The following TMTC2 variants were observed in gnomAD, a reference collection of about 807,000 sequenced individuals.
The protein encoded by TMTC2 is protein O-mannosyl-transferase TMTC2.
A neutral mutation model predicts 82.4 loss-of-function variants in TMTC2; 43 were observed. The observed-to-expected ratio is 0.52, with a 90% CI of 0.41 to 0.67. The LOEUF (loss-of-function observed/expected upper bound fraction) is 0.67, where lower values mean the gene tolerates loss of function less well. Ranked by LOEUF, TMTC2 falls within the 30% of genes least tolerant of loss-of-function variation. The probability of loss-of-function intolerance (pLI) is 0.00; values close to 1 mark genes in which losing one functional copy is unlikely to be tolerated. For synonymous variants in TMTC2, 408 were observed against 381.9 expected (o/e 1.07, Z -0.80); for missense variants, 919 against 1,012.4 (o/e 0.91, Z 1.25).
At chr12:83,024,116 T>C (rs935537315) in intron 8 of TMTC2, among the ~76,000 whole-genome samples, 1 of 152,092 alleles carries the variant, frequency 6.6e-6, no homozygotes, top group Non-Finnish European at 1.5e-5. Flanking sequence ...TTTCAGCATG[T>C]AGAAATGATG....
At chr12:82,871,378 T>TTC (rs1311026927) in intron 2 of TMTC2, among the ~76,000 whole-genome samples, 2 of 151,918 alleles carry the variant, frequency 1.3e-5, no homozygotes, top group African/African-American at 4.8e-5. Context: ...TTTTTTTTTT[T>TTC]CACATTACTT....
chr12:82,874,037 T>C (rs1872349952), intron 2 of TMTC2, among the ~76,000 whole-genome samples: 1 of 152,240 alleles, frequency 6.6e-6, no homozygotes, highest in Non-Finnish European at 1.5e-5. Context: ...TTAAGACAGT[T>C]GCTGATTTAC....
At chr12:82,689,053 G>A (rs1328803276) in intron 1 of TMTC2, among the ~76,000 whole-genome samples, 2 of 152,176 alleles carry the variant, frequency 1.3e-5, no homozygotes, top group Admixed American at 6.5e-5. Context: ...TAACTTTTAC[G>A]CAGCATACTG....
chr12:83,125,169 G>A (rs1485674979), intron 11 of TMTC2, among the ~76,000 whole-genome samples: 2 of 152,158 alleles, frequency 1.3e-5, no homozygotes, highest in African/African-American at 4.8e-5. Flanking sequence ...AGATCCCACT[G>A]CCTCTCCCAG....
intron 1 of TMTC2, among the ~76,000 whole-genome samples, chr12:82,854,609 A>G (rs918735366): frequency 2.0e-5 from 3 of 152,182 alleles, no homozygotes; most frequent in African/African-American, 7.2e-5. Flanking sequence ...TTTCTAAATG[A>G]CCACATGCCC....
chr12:82,860,783 A>G (rs148160237), intron 2 of TMTC2, among the ~76,000 whole-genome samples: 1,940 of 152,370 alleles, frequency 0.013, 18 homozygotes, highest in South Asian at 0.021. Context: ...AGCATGTGAA[A>G]TAAGGACTGC....
Position 82,861,111 on chromosome 12 carries a change from CAT to C in TMTC2, c.654+3533_654+3534del, listed in dbSNP as rs137983591. 4.4e-3 allele frequency among the ~76,000 whole-genome samples: 675 copies of C among 152,304 alleles called. 29 individuals are homozygous for C. In the East Asian group the frequency reaches 0.092, roughly 21 times the overall value. On this transcript the variant is annotated intron_variant, in intron 2 of 11. Coordinates refer to ENST00000321196, the MANE Select transcript of TMTC2 (RefSeq NM_152588.3). ...GATAAACTTCCTTGCTCTGTTAAAA[CAT>C]AACTTATATACAAATGGAAAACTGC...
intron 11 of TMTC2, among the ~76,000 whole-genome samples, chr12:83,103,392 T>C (rs1217675396): frequency 6.6e-6 from 1 of 152,180 alleles, no homozygotes; most frequent in African/African-American, 2.4e-5. Context: ...CATAGTTCTA[T>C]AGGCTGTACA....
intron 1 of TMTC2, among the ~76,000 whole-genome samples, chr12:82,702,163 A>G (rs969025706): frequency 1.3e-5 from 2 of 152,254 alleles, no homozygotes; most frequent in African/African-American, 4.8e-5. Context: ...AACATTAGTG[A>G]TATTGCCACA....
intron 8 of TMTC2, among the ~76,000 whole-genome samples, chr12:83,020,256 A>G (rs1480576900): frequency 6.6e-6 from 1 of 152,160 alleles, no homozygotes; most frequent in East Asian, 1.9e-4. Context: ...CTAGGGCTCA[A>G]CACAGCACTG....
chr12:82,789,651 G>T (rs968719620), intron 1 of TMTC2, among the ~76,000 whole-genome samples: 3 of 152,130 alleles, frequency 2.0e-5, no homozygotes, highest in Admixed American at 1.3e-4. Flanking sequence ...TGTGAACAAA[G>T]GCAGAGAATC....
chr12:82,853,933 AGTT>A (rs769372494), intron 1 of TMTC2, among the ~76,000 whole-genome samples: 5 of 149,670 alleles, frequency 3.3e-5, no homozygotes, highest in Non-Finnish European at 4.4e-5. Flanking sequence ...GCAGTTTGGC[AGTT>A]GTTTTTTTTT....
intron 4 of TMTC2, among the ~76,000 whole-genome samples, chr12:82,960,178 G>A (rs1330665966): frequency 6.6e-6 from 1 of 152,020 alleles, no homozygotes; most frequent in Non-Finnish European, 1.5e-5. Flanking sequence ...ATAGGTGCTG[G>A]TGAGACAATG....
chr12:83,071,982 A>G (rs1384036253), intron 11 of TMTC2, among the ~76,000 whole-genome samples: 2 of 151,470 alleles, frequency 1.3e-5, no homozygotes, highest in African/African-American at 2.4e-5. Context: ...TATCTTTTCT[A>G]TTGTTTTATT....
chr12:82,982,916 T>C (rs1263172704), intron 7 of TMTC2, among the ~76,000 whole-genome samples: 2 of 152,064 alleles, frequency 1.3e-5, no homozygotes, highest in Non-Finnish European at 2.9e-5. Flanking sequence ...TGCTTCTCAA[T>C]TTTTTCCATC....
At chr12:82,711,910 C>A (rs575118506) in intron 1 of TMTC2, among the ~76,000 whole-genome samples, 1 of 152,210 alleles carries the variant, frequency 6.6e-6, no homozygotes, top group Non-Finnish European at 1.5e-5. Context: ...ATCGAAAAGA[C>A]AGCTCCTCTT....
At chr12:82,818,060 CT>C (rs751061402) in intron 1 of TMTC2, among the ~76,000 whole-genome samples, 2 of 152,106 alleles carry the variant, frequency 1.3e-5, no homozygotes, top group Non-Finnish European at 2.9e-5. Flanking sequence ...TTCTTTCCCC[CT>C]GTATCTTATC....
At chr12:82,927,213 G>A (rs1875769735) in intron 3 of TMTC2, among the ~76,000 whole-genome samples, 1 of 152,162 alleles carries the variant, frequency 6.6e-6, no homozygotes, top group Non-Finnish European at 1.5e-5. Context: ...ATGGAATGAA[G>A]TCAGAATATC....
intron 11 of TMTC2, among the ~76,000 whole-genome samples, chr12:83,077,720 A>G (rs1883330520): frequency 1.3e-5 from 2 of 151,822 alleles, no homozygotes; most frequent in African/African-American, 4.8e-5. Flanking sequence ...GACTACCGGC[A>G]CACGCCACCA....
Sources: gnomAD v4.1 joint callset for allele counts (sites outside exome capture counted in the v4.1 genomes callset) on GRCh38, gnomAD v4.1.1 for gene constraint, MANE v1.5 for transcripts, NCBI Gene and HGNC (gene_info 2026-07-23, HGNC 2026-07-21) for gene names.